Variants in SPECC1L observed in about 807,000 individuals in gnomAD.
SPECC1L encodes the protein cytospin-A.
In SPECC1L, 40 loss-of-function variants were observed where a neutral mutation model predicts 116.8. The ratio of observed to expected loss-of-function variants is 0.34; its 90% confidence interval spans 0.27 to 0.45. The LOEUF is 0.45. SPECC1L is among the 20% of genes least tolerant of loss of function. The pLI, the probability that SPECC1L is intolerant of heterozygous loss-of-function variation, is 1.00. For missense variants in SPECC1L, 1,110 were observed against 1,373.6 expected, an observed-to-expected ratio of 0.81 and a Z score of 3.03; for synonymous variants, 504 against 500.6, an observed-to-expected ratio of 1.01 and a Z score of -0.09.
intron 3 of SPECC1L, among the ~76,000 whole-genome samples, chr22:24,305,421 G>A (rs1224731075): frequency 1.3e-5 from 2 of 152,142 alleles, no homozygotes; most frequent in Admixed American, 6.5e-5. Context: ...TTACAGGAAC[G>A]TAGTCACACA....
chr22:24,402,675 G>T lies in SPECC1L; in HGVS notation c.3088-8913G>T, dbSNP rs1276463540. 5.3e-5 allele frequency among the ~76,000 whole-genome samples: 8 copies of T among 152,322 alleles called. No homozygotes were observed. The East Asian group carries it at 1.5e-3, about 29-fold the overall frequency. On this transcript the variant is annotated intron_variant, in intron 14 of 16. Transcript: ENST00000314328. ...TGGGGACAGCGCTCTGCACGGCTCA[G>T]ACAGGCATGAGGAAGTGGATGCTTG...
intron 1 of SPECC1L, among the ~76,000 whole-genome samples, chr22:24,272,397 G>A (rs1407170146): frequency 2.0e-5 from 3 of 151,736 alleles, no homozygotes; most frequent in Admixed American, 2.0e-4. Flanking sequence ...ACAAGGCCGA[G>A]CTCCCTGGCT....
intron 14 of SPECC1L, among the ~76,000 whole-genome samples, chr22:24,397,961 G>C (rs1412711035): frequency 6.6e-6 from 1 of 152,224 alleles, no homozygotes; most frequent in African/African-American, 2.4e-5. Flanking sequence ...GCAGAGTCAT[G>C]TAAGTGCAGT....
At chr22:24,272,678 A>C (rs544995455) in intron 1 of SPECC1L, among the ~76,000 whole-genome samples, 31 of 152,196 alleles carry the variant, frequency 2.0e-4, no homozygotes, top group African/African-American at 6.3e-4. Context: ...AAAAAAAAAA[A>C]AAACAGCTAT....
chr22:24,336,796 T>C (rs2146528229), intron 9 of SPECC1L, among the ~76,000 whole-genome samples: 1 of 152,258 alleles, frequency 6.6e-6, no homozygotes, highest in East Asian at 1.9e-4. Context: ...TCAAAAGAAC[T>C]GAAAATAGAT....
At chr22:24,385,414 G>C (rs2042142955) in intron 14 of SPECC1L, among the ~76,000 whole-genome samples, 1 of 152,092 alleles carries the variant, frequency 6.6e-6, no homozygotes, top group Non-Finnish European at 1.5e-5. Flanking sequence ...AAAAGACAAA[G>C]ATTTTCATGT....
chr22:24,288,749 C>CTCAGTAGCT, intron 2 of SPECC1L, among the ~76,000 whole-genome samples: 1 of 149,212 alleles, frequency 6.7e-6, no homozygotes, highest in Non-Finnish European at 1.5e-5. Context: ...CCTCAGCTTC[C>CTCAGTAGCT]TCAGTAGCTG....
At chr22:24,338,326 A>G in intron 9 of SPECC1L, 60 bp from the exon 10 acceptor site, 3 of 1,523,204 alleles carry the variant, frequency 2.0e-6, no homozygotes, top group Non-Finnish European at 1.8e-6. Context: ...TTAAGTGGAG[A>G]CCAGTTAAGC....
At position 24,286,521 on chromosome 22, in the gene SPECC1L, G is replaced by A. The variant is rs571516788; in HGVS notation, c.-38+9718G>A. Among the ~76,000 whole-genome samples the A allele has an allele frequency of 1.4e-4, 22 of 152,214 alleles. No homozygotes were observed. The South Asian group carries it at 4.4e-3, about 30-fold the overall frequency. On this transcript the variant is annotated intron_variant, in intron 2 of 16. Transcript: ENST00000314328. Reference sequence around the variant, plus strand: ...ATAATTGAGTCATATGGTGTGTTTCGGCATTTTAACAAGGAAGTATGGACC... The same window carrying A: ...ATAATTGAGTCATATGGTGTGTTTCAGCATTTTAACAAGGAAGTATGGACC...
At chr22:24,388,492 A>T (rs1292023575) in intron 14 of SPECC1L, among the ~76,000 whole-genome samples, 1 of 151,690 alleles carries the variant, frequency 6.6e-6, no homozygotes. Flanking sequence ...TCATTGTTGG[A>T]CATTTGGCTT....
chr22:24,291,288 A>T (rs955255239), intron 2 of SPECC1L, among the ~76,000 whole-genome samples: 1 of 152,220 alleles, frequency 6.6e-6, no homozygotes, highest in African/African-American at 2.4e-5. Context: ...TCTGAAAGCT[A>T]CTAATCCACT....
intron 14 of SPECC1L, among the ~76,000 whole-genome samples, 193 bp from the exon 15 acceptor site, chr22:24,411,394 CA>C (rs1290852839): frequency 6.7e-6 from 1 of 148,678 alleles, no homozygotes; most frequent in East Asian, 2.1e-4. Context: ...TAGGGGCAGC[CA>C]TCTACAGCTG....
Position 24,321,631 on chromosome 22 carries a change from G to A in SPECC1L, c.651G>A (p.Glu217=), listed in dbSNP as rs2040725357. 2 of 1,614,202 alleles carry A rather than the reference G, an allele frequency of 1.2e-6. No individual in the cohort carries two copies. Among genetic ancestry groups the A allele is most frequent in the Non-Finnish European group, 8.5e-7 (1 of 1,180,042 alleles). ...RDMRAQLGIN[E]DHSEGDEKSE... ...TGCGTGCCCAGCTGGGCATTAATGA[G>A]GATCATTCTGAGGGTGATGAAAAAT... Residue 217 remains glutamate (E), a synonymous_variant, in exon 5 of 17, where the codon GAG becomes GAA. Transcript: ENST00000314328.
chr22:24,290,557 T>G (rs926405083), intron 2 of SPECC1L, among the ~76,000 whole-genome samples: 1 of 152,246 alleles, frequency 6.6e-6, no homozygotes, highest in African/African-American at 2.4e-5. Flanking sequence ...TGAGCAGTAC[T>G]GGACTTCTGT....
At chr22:24,293,476 A>T (rs1232320041) in intron 2 of SPECC1L, among the ~76,000 whole-genome samples, 1 of 152,056 alleles carries the variant, frequency 6.6e-6, no homozygotes, top group African/African-American at 2.4e-5. Context: ...AAAGGGGGGA[A>T]AAAGAGAACA....
chr22:24,408,377 G>C (rs1405810177), intron 14 of SPECC1L, among the ~76,000 whole-genome samples: 2 of 152,248 alleles, frequency 1.3e-5, no homozygotes, highest in Non-Finnish European at 2.9e-5. Flanking sequence ...ATGGAGGGCG[G>C]GCCAGGCCTC....
At chr22:24,366,931 C>T (rs2041779836) in intron 13 of SPECC1L, among the ~76,000 whole-genome samples, 1 of 152,154 alleles carries the variant, frequency 6.6e-6, no homozygotes, top group Non-Finnish European at 1.5e-5. Flanking sequence ...TGGTGGCTCA[C>T]GTCTGTAATC....
intron 9 of SPECC1L, among the ~76,000 whole-genome samples, chr22:24,336,962 G>A (rs2041072723): frequency 6.6e-6 from 1 of 152,176 alleles, no homozygotes; most frequent in Non-Finnish European, 1.5e-5. Flanking sequence ...CATGTTAGAT[G>A]ATTTTGCCTA....
intron 14 of SPECC1L, among the ~76,000 whole-genome samples, chr22:24,391,937 T>G (rs1436113055): frequency 2.0e-5 from 3 of 152,262 alleles, no homozygotes; most frequent in Non-Finnish European, 1.5e-5. Context: ...TGTCTCAGGA[T>G]GCATTTCCTT....
Sources: allele counts gnomAD v4.1 joint callset (sites outside exome capture counted in the v4.1 genomes callset), GRCh38; gene constraint gnomAD v4.1.1; transcripts MANE v1.5; gene names NCBI Gene and HGNC (gene_info 2026-07-23, HGNC 2026-07-21).